GALNTL6: variants seen among roughly 807,000 people sequenced by gnomAD.
The protein encoded by GALNTL6 is polypeptide N-acetylgalactosaminyltransferase like 6.
GALNTL6 carries 46 observed loss-of-function variants against 73.7 expected under a neutral mutation model. The observed-to-expected ratio is 0.62, with a 90% CI of 0.49 to 0.80. The LOEUF (loss-of-function observed/expected upper bound fraction) is 0.80. GALNTL6 is among the 30% of genes least tolerant of loss of function. The pLI is 0.00. For synonymous variants in GALNTL6, 259 were observed against 263.7 expected (o/e 0.98, Z 0.17); for missense variants, 604 against 755.0 (o/e 0.80, Z 2.34).
At chr4:172,673,215 A>G (rs1579318689) in intron 5 of GALNTL6, among the ~76,000 whole-genome samples, 1 of 151,990 alleles carries the variant, frequency 6.6e-6, no homozygotes, top group Non-Finnish European at 1.5e-5. Flanking sequence ...GGTATGTTGC[A>G]TCTTAGTTCT....
At chr4:172,765,439 A>C in intron 5 of GALNTL6, among the ~76,000 whole-genome samples, 1 of 152,174 alleles carries the variant, frequency 6.6e-6, no homozygotes, top group East Asian at 1.9e-4. Flanking sequence ...TAAATATCTC[A>C]TGGAATTGAC....
chr4:171,865,311 C>T (rs1220391003), intron 2 of GALNTL6, among the ~76,000 whole-genome samples: 2 of 151,814 alleles, frequency 1.3e-5, no homozygotes, highest in African/African-American at 4.8e-5. Flanking sequence ...GAAAGGTGAG[C>T]AGAAATACAG....
chr4:172,578,462 A>G (rs141152056), intron 5 of GALNTL6, among the ~76,000 whole-genome samples: 1 of 152,364 alleles, frequency 6.6e-6, no homozygotes, highest in East Asian at 1.9e-4. Context: ...GGTAATTGAT[A>G]TGATTAGCAA....
intron 2 of GALNTL6, among the ~76,000 whole-genome samples, chr4:172,223,213 G>C (rs1039924149): frequency 2.6e-5 from 4 of 151,980 alleles, no homozygotes; most frequent in Non-Finnish European, 5.9e-5. Context: ...TATTTTGTCA[G>C]TATCTTAAAA....
chr4:171,866,697 C>A (rs1238809868), intron 2 of GALNTL6, among the ~76,000 whole-genome samples: 2 of 152,174 alleles, frequency 1.3e-5, no homozygotes, highest in Admixed American at 6.5e-5. Context: ...CCAGCGGGGT[C>A]GGGTTCTGTT....
At chr4:172,216,768 C>A (rs542187543) in intron 2 of GALNTL6, among the ~76,000 whole-genome samples, 1 of 152,068 alleles carries the variant, frequency 6.6e-6, no homozygotes, top group Non-Finnish European at 1.5e-5. Flanking sequence ...TGTGACACAG[C>A]CCTCAGGAGG....
chr4:172,958,082 C>G (rs1371711420), intron 10 of GALNTL6, among the ~76,000 whole-genome samples: 2 of 152,076 alleles, frequency 1.3e-5, no homozygotes, highest in Non-Finnish European at 2.9e-5. Flanking sequence ...GGAGACTCAA[C>G]AAAGAGTGAG....
intron 5 of GALNTL6, among the ~76,000 whole-genome samples, chr4:172,378,949 T>C (rs1341170545): frequency 1.3e-5 from 2 of 152,214 alleles, no homozygotes; most frequent in Admixed American, 6.5e-5. Context: ...GTCTAAGATA[T>C]ATATTATTCT....
chr4:172,572,463 C>A (rs984073988), intron 5 of GALNTL6, among the ~76,000 whole-genome samples: 10 of 152,130 alleles, frequency 6.6e-5, no homozygotes, highest in Non-Finnish European at 1.2e-4. Flanking sequence ...GTTAATATAT[C>A]AGACACTCAA....
At chr4:171,902,894 G>A (rs1002912698) in intron 2 of GALNTL6, among the ~76,000 whole-genome samples, 2 of 152,122 alleles carry the variant, frequency 1.3e-5, no homozygotes, top group African/African-American at 2.4e-5. Context: ...TATCAAGAAG[G>A]TCAATATAGT....
chr4:172,305,138 T>G (rs993709426), intron 3 of GALNTL6, among the ~76,000 whole-genome samples: 5 of 152,024 alleles, frequency 3.3e-5, no homozygotes, highest in Non-Finnish European at 7.4e-5. Context: ...TAGTAGACAA[T>G]CAATAAACAT....
intron 5 of GALNTL6, among the ~76,000 whole-genome samples, chr4:172,674,448 T>G (rs887815094): frequency 2.0e-5 from 3 of 152,124 alleles, no homozygotes; most frequent in African/African-American, 7.2e-5. Flanking sequence ...GTCTTGAGGG[T>G]GATTTTCTTT....
chr4:172,827,404 C>T (rs1256667307), intron 7 of GALNTL6, among the ~76,000 whole-genome samples: 1 of 152,176 alleles, frequency 6.6e-6, no homozygotes, highest in African/African-American at 2.4e-5. Flanking sequence ...CACACCATGC[C>T]ACTCATTCTA....
chr4:172,273,971 C>T (rs937568687), intron 3 of GALNTL6, among the ~76,000 whole-genome samples: 30 of 152,130 alleles, frequency 2.0e-4, no homozygotes, highest in African/African-American at 7.2e-4. Flanking sequence ...CTTCTTTTAT[C>T]CATAATTCCA....
In GALNTL6 at chr4:172,609,625, C is replaced by CTCTCTGTGTGTGTG. The variant is rs753051714; in HGVS notation, c.554-199735_554-199734insCTCTGTGTGTGTGT. On this transcript the variant is annotated intron_variant, in intron 5 of 12. Coordinates refer to ENST00000506823, the MANE Select transcript of GALNTL6 (RefSeq NM_001034845.3). ...TTTCTCTCTCTCTCTCTCTCTCTCT[C>CTCTCTGTGTGTGTG]TGTGTGTGTGTGTGTGTGTGTGTGT... is the stretch of plus-strand genomic sequence containing the variant. 5.3e-3 allele frequency among the ~76,000 whole-genome samples: 491 copies of CTCTCTGTGTGTGTG among 92,760 alleles called. 3 individuals are homozygous for CTCTCTGTGTGTGTG. Among genetic ancestry groups the CTCTCTGTGTGTGTG allele is most frequent in the African/African-American group, 7.4e-3 (161 of 21,864 alleles). The allele number at this position is 92,760 out of a possible 152,430, so 60.9% of individuals were successfully genotyped here.
At chr4:172,902,581 G>A (rs976463607) in intron 8 of GALNTL6, among the ~76,000 whole-genome samples, 17 of 152,186 alleles carry the variant, frequency 1.1e-4, no homozygotes, top group African/African-American at 4.1e-4. Flanking sequence ...AATAGCCTCA[G>A]CAAGGCAGAA....
chr4:172,605,353 G>A (rs1019862048), intron 5 of GALNTL6, among the ~76,000 whole-genome samples: 5 of 152,110 alleles, frequency 3.3e-5, no homozygotes, highest in Non-Finnish European at 5.9e-5. Context: ...GCTGTGCATG[G>A]TGATAATCAT....
intron 5 of GALNTL6, among the ~76,000 whole-genome samples, chr4:172,440,396 C>A (rs1731786642): frequency 6.6e-6 from 1 of 152,028 alleles, no homozygotes; most frequent in African/African-American, 2.4e-5. Flanking sequence ...AGGCTACATA[C>A]TATATGATTC....
intron 2 of GALNTL6, among the ~76,000 whole-genome samples, chr4:172,017,791 A>G (rs1448358502): frequency 6.6e-6 from 1 of 152,046 alleles, no homozygotes; most frequent in Non-Finnish European, 1.5e-5. Context: ...GGATCTAGCC[A>G]CGCATTGGGG....
Sources: gnomAD v4.1 joint callset for allele counts (sites outside exome capture counted in the v4.1 genomes callset) on GRCh38, gnomAD v4.1.1 for gene constraint, MANE v1.5 for transcripts, NCBI Gene and HGNC (gene_info 2026-07-23, HGNC 2026-07-21) for gene names.